ARHGAP35: variants seen among roughly 807,000 people sequenced by gnomAD.
ARHGAP35 encodes rho GTPase-activating protein 35.
Under a neutral mutation model 111.1 loss-of-function variants are expected in ARHGAP35, and 15 were observed. The ratio of observed to expected loss-of-function variants is 0.13; its 90% CI spans 0.09 to 0.21. The LOEUF (loss-of-function observed/expected upper bound fraction) is 0.21. Ranked by LOEUF, ARHGAP35 falls within the 10% of genes least tolerant of loss-of-function variation. The pLI, the probability that ARHGAP35 is intolerant of heterozygous loss-of-function variation, is 1.00. For missense variants in ARHGAP35, 1,262 were observed against 1,873.0 expected (o/e 0.67, Z 6.02); for synonymous variants, 643 against 710.3 (o/e 0.91, Z 1.51).
At chr19:46,886,120 C>T (rs1599799017) in intron 1 of ARHGAP35, among the ~76,000 whole-genome samples, 1 of 152,120 alleles carries the variant, frequency 6.6e-6, no homozygotes, top group Non-Finnish European at 1.5e-5. Flanking sequence ...TTTATGTTGT[C>T]GTCGTCCGTC....
At chr19:46,958,515 G>C (rs1411647911) in intron 3 of ARHGAP35, among the ~76,000 whole-genome samples, 2 of 152,198 alleles carry the variant, frequency 1.3e-5, no homozygotes, top group African/African-American at 4.8e-5. Context: ...AGCTTAGCAG[G>C]AGTTTTCCTT....
In ARHGAP35 at chr19:46,861,108, CTCAGCCGCCGCT is replaced by C. The variant is rs2055823625; in HGVS notation, c.-289_-278del. Among the ~76,000 whole-genome samples, 1 of 151,532 alleles carries C rather than the reference CTCAGCCGCCGCT, an allele frequency of 6.6e-6. No homozygotes were observed. The highest frequency in any genetic ancestry group is 1.5e-5 in the Non-Finnish European group (1 of 67,742). On this transcript the variant is annotated 5_prime_UTR_variant, in exon 1 of 7. Coordinates refer to ENST00000672722, the MANE Select transcript of ARHGAP35 (RefSeq NM_004491.5). ...CCGCCGCCGGAGCCGCCGCCGCCGCCTCAGCCGCCGCTGGACTAGGAGCAGGGGAACATGGCG... is the reference window on the plus strand; with the variant it reads ...CCGCCGCCGGAGCCGCCGCCGCCGCCGGACTAGGAGCAGGGGAACATGGCG...
chr19:46,919,247 C>T lies in ARHGAP35; in HGVS notation c.572C>T (p.Thr191Ile). The change falls in exon 2 of 7, where the codon ACA becomes ATA. Residue 191 changes from threonine to isoleucine, a missense_variant. By Grantham distance (89) the Thr-to-Ile change is moderately conservative (BLOSUM62 -1). Transcript: ENST00000672722. This position sits in a 1 kb window ranked among gnomAD's most constrained non-coding sequence, Gnocchi z 6.2. The stretch of plus-strand genomic sequence containing the variant: ...AATCTCTACAATCAGCTTGCAAAAA[C>T]AAAAAAGCCCATAGTGGTGGTCCTG... Reference protein sequence around the residue: ...VSNLYNQLAKTKKPIVVVLTK... With the variant: ...VSNLYNQLAKIKKPIVVVLTK... The T allele has an allele frequency of 1.2e-6, 2 of 1,612,742 alleles. No individual in the cohort carries two copies. Among genetic ancestry groups the T allele is most frequent in the Non-Finnish European group, 8.5e-7 (1 of 1,179,594 alleles).
intron 3 of ARHGAP35, among the ~76,000 whole-genome samples, chr19:46,957,583 A>G (rs779496299): frequency 6.6e-6 from 1 of 152,224 alleles, no homozygotes; most frequent in Non-Finnish European, 1.5e-5. Flanking sequence ...ACTGCATTCC[A>G]GACCGGCAAT....
intron 3 of ARHGAP35, among the ~76,000 whole-genome samples, chr19:46,981,730 A>C (rs1180287854): frequency 6.6e-6 from 1 of 152,222 alleles, no homozygotes; most frequent in African/African-American, 2.4e-5. Flanking sequence ...GGGCAGTCGA[A>C]GGGCTGAAAT....
chr19:46,883,494 C>G (rs1462732415), intron 1 of ARHGAP35, among the ~76,000 whole-genome samples: 1 of 152,138 alleles, frequency 6.6e-6, no homozygotes, highest in Non-Finnish European at 1.5e-5. Flanking sequence ...AACTCGCCGT[C>G]TTATATTGGT....
intron 2 of ARHGAP35, among the ~76,000 whole-genome samples, chr19:46,929,931 T>TA (rs1285885212): frequency 2.0e-5 from 3 of 149,586 alleles, no homozygotes; most frequent in South Asian, 4.3e-4. Context: ...AAAAAAAAAT[T>TA]AAAAAAATTT....
At chr19:46,985,556 T>C (rs1255719285) in intron 3 of ARHGAP35, among the ~76,000 whole-genome samples, 2 of 152,240 alleles carry the variant, frequency 1.3e-5, no homozygotes, top group Non-Finnish European at 2.9e-5. Flanking sequence ...CTCATGTGTG[T>C]ATTCTCTACC....
chr19:46,982,127 C>T (rs530543706), intron 3 of ARHGAP35, among the ~76,000 whole-genome samples: 89 of 151,326 alleles, frequency 5.9e-4, no homozygotes, highest in Admixed American at 5.5e-3. Context: ...GGATTATAGG[C>T]GGGAACCATC....
chr19:46,970,618 A>ACT (rs2056541345), intron 3 of ARHGAP35, among the ~76,000 whole-genome samples: 1 of 152,208 alleles, frequency 6.6e-6, no homozygotes, highest in Non-Finnish European at 1.5e-5. Flanking sequence ...TGAAAAAGTT[A>ACT]GAGATCACTG....
chr19:46,881,378 C>G (rs2055961791), intron 1 of ARHGAP35, among the ~76,000 whole-genome samples: 2 of 152,176 alleles, frequency 1.3e-5, no homozygotes, highest in African/African-American at 4.8e-5. Flanking sequence ...GGTAATAACA[C>G]TTGAAAGTCT....
chr19:46,916,764 A>G (rs2056166730), intron 1 of ARHGAP35, among the ~76,000 whole-genome samples: 1 of 151,636 alleles, frequency 6.6e-6, no homozygotes, highest in African/African-American at 2.4e-5. Context: ...TTAACAATTT[A>G]CCACCCCATT....
At chr19:46,978,697 G>GGTGGGATATGTGTGTGTT (rs2056597085) in intron 3 of ARHGAP35, among the ~76,000 whole-genome samples, 1 of 142,148 alleles carries the variant, frequency 7.0e-6, no homozygotes, top group Admixed American at 7.0e-5. Context: ...ATGTGTGTGT[G>GGTGGGATATGTGTGTGTT]GTGGGGCATG....
rs1371413390 is a variant in ARHGAP35 at position 46,920,772 on chromosome 19, A to G, written c.2097A>G (p.Thr699=). The G allele has an allele frequency of 1.1e-5, 18 of 1,609,104 alleles. No homozygotes were observed. The highest frequency in any genetic ancestry group is 5.3e-5 in the African/African-American group (4 of 74,838). ...RDNHLVHLPL[T]LILVNKRGDT... is the part of the protein sequence containing the mutation. ...ATCATTTAGTCCATCTCCCCCTTAC[A>G]TTAATTTTGGTTAACAAGAGAGGAG... The change falls in exon 2 of 7, where the codon ACA becomes ACG. Residue 699 remains threonine, a synonymous_variant. Transcript: ENST00000672722. This position sits in a 1 kb window ranked among gnomAD's most constrained non-coding sequence, Gnocchi z 7.0.
chr19:46,984,839 C>A (rs1163755787), intron 3 of ARHGAP35, among the ~76,000 whole-genome samples: 1 of 152,206 alleles, frequency 6.6e-6, no homozygotes, highest in Non-Finnish European at 1.5e-5. Flanking sequence ...TCGTCTCCTG[C>A]CCTCTCATGC....
In ARHGAP35 at chr19:46,994,996, G is replaced by A. The variant is rs924608898; in HGVS notation, c.4037-4308G>A. ...CTGGGTCAGAGTCACCTCCTCCCTCGCTGAGGACTGTTGAGGGACCTGTGC... is the reference window on the plus strand; with the variant it reads ...CTGGGTCAGAGTCACCTCCTCCCTCACTGAGGACTGTTGAGGGACCTGTGC... On this transcript the variant is annotated intron_variant, in intron 5 of 6. Transcript: ENST00000672722. This position sits in a 1 kb window ranked among gnomAD's most constrained non-coding sequence, Gnocchi z 5.4. Among the ~76,000 whole-genome samples, 1 of 152,140 alleles carries A rather than the reference G, an allele frequency of 6.6e-6. No homozygotes were observed.
At position 47,001,458 on chromosome 19, in the gene ARHGAP35, G is replaced by C; in HGVS notation, c.*770G>C. The C allele has an allele frequency of 2.5e-6, 3 of 1,212,242 alleles. No homozygotes were observed. The highest frequency in any genetic ancestry group is 3.3e-6 in the Non-Finnish European group (3 of 921,220). 75.1% of individuals were successfully genotyped at this position (1,212,242 alleles called of 1,614,324 possible). A position where few individuals can be genotyped will look rare whatever the true frequency, so the allele number is the denominator to read the frequency against. On this transcript the variant is annotated 3_prime_UTR_variant, in exon 7 of 7. Coordinates refer to ENST00000672722, the MANE Select transcript of ARHGAP35 (RefSeq NM_004491.5). The surrounding 1 kb of genome is among the most constrained non-coding windows in gnomAD (Gnocchi z 5.4). ...ACTACAGACCTCAAGATTCCACTCT[G>C]TGCCCGCCTCTGCCGGGAGGGAGGG... is the stretch of plus-strand genomic sequence containing the variant.
intron 1 of ARHGAP35, among the ~76,000 whole-genome samples, chr19:46,913,215 A>C (rs1350264292): frequency 3.4e-5 from 5 of 148,978 alleles, no homozygotes; most frequent in Middle Eastern, 3.4e-3. Context: ...TACAGAGCAC[A>C]CAAACATTTC....
intron 1 of ARHGAP35, among the ~76,000 whole-genome samples, chr19:46,914,210 A>G (rs1263637076): frequency 6.6e-6 from 1 of 152,180 alleles, no homozygotes; most frequent in Non-Finnish European, 1.5e-5. Context: ...GGTTTCTAAC[A>G]AGTGGAAAGT....
Sources: allele counts gnomAD v4.1 joint callset (sites outside exome capture counted in the v4.1 genomes callset), GRCh38; gene constraint gnomAD v4.1.1; non-coding constraint Gnocchi (gnomAD v3.1); transcripts MANE v1.5; gene names NCBI Gene and HGNC (gene_info 2026-07-23, HGNC 2026-07-21).